The following FOCAD variants were observed in gnomAD, a reference collection of about 807,000 sequenced individuals.
FOCAD encodes the protein KIAA1797.
FOCAD carries 198 observed loss-of-function variants against 225.6 expected under a neutral mutation model. That is an observed-to-expected ratio of 0.88 (90% CI 0.78 to 0.99). FOCAD has a LOEUF of 0.99. FOCAD is among the 50% of genes least tolerant of loss of function. The pLI, the probability that FOCAD is intolerant of heterozygous loss-of-function variation, is 0.00. For missense variants in FOCAD, 2,713 were observed against 2,123.6 expected (o/e 1.28, Z -5.46); for synonymous variants, 897 against 755.0 (o/e 1.19, Z -3.08).
intron 6 of FOCAD, among the ~76,000 whole-genome samples, chr9:20,758,996 A>G (rs1829321455): frequency 6.6e-6 from 1 of 152,152 alleles, no homozygotes; most frequent in African/African-American, 2.4e-5. Context: ...GAGCCAAATC[A>G]TGAGTGAACT....
rs1420513017 is a variant in FOCAD, at chr9:20,990,198, G to C, written c.5080G>C (p.Gly1694Arg). ...TGACCACACTGCCCCTCTCCTCCTC[G>C]GCCTCAGTGCCAGTTGGTTGCCATG... ...WADHTAPLLLGLSASWLPWHQ... is the reference protein window; with the variant it reads ...WADHTAPLLLRLSASWLPWHQ... Residue 1694 changes from glycine to arginine, a missense_variant, in exon 42 of 44, where the codon GGC becomes CGC. By Grantham distance (125) the Gly-to-Arg change is moderately radical (BLOSUM62 -2). Transcript: ENST00000338382. The C allele has an allele frequency of 1.2e-6, 2 of 1,614,116 alleles. No homozygotes were observed. Among genetic ancestry groups the C allele is most frequent in the Admixed American group, 1.7e-5 (1 of 60,022 alleles).
intron 11 of FOCAD, among the ~76,000 whole-genome samples, chr9:20,794,414 C>G (rs1820849094): frequency 6.6e-6 from 1 of 152,014 alleles, no homozygotes; most frequent in Non-Finnish European, 1.5e-5. Context: ...TAATATAGAG[C>G]AAAAAGATGA....
At chr9:20,770,333 C>A (rs1045862390) in intron 8 of FOCAD, 95 bp downstream of exon 8, 1 of 1,148,176 alleles carries the variant, frequency 8.7e-7, no homozygotes, top group Non-Finnish European at 1.2e-6. Context: ...AATTGGCTTA[C>A]AGTCTGGCAG....
Position 20,764,922 on chromosome 9 carries a change from G to T in FOCAD, c.548G>T (p.Cys183Phe). 1 of 1,614,084 alleles carries T rather than the reference G, an allele frequency of 6.2e-7. No homozygotes were observed. The highest frequency in any genetic ancestry group is 8.5e-7 in the Non-Finnish European group (1 of 1,180,002). ...GCACCATTTCTGTGGTATCTGTATT[G>T]TGAACCATCTCAGTTACAAGAATAT... Reference protein sequence around the residue: ...IMAPFLWYLYCEPSQLQEYAK... With the variant: ...IMAPFLWYLYFEPSQLQEYAK... Residue 183 changes from cysteine (C) to phenylalanine (F), a missense_variant, in exon 7 of 44, where the codon TGT becomes TTT. By Grantham distance (205) the Cys-to-Phe change is radical. Transcript: ENST00000338382.
intron 5 of FOCAD, 73 bp downstream of exon 5, chr9:20,740,413 T>A: frequency 4.7e-6 from 4 of 858,246 alleles, no homozygotes; most frequent in Middle Eastern, 3.4e-4. Context: ...GACATGATAA[T>A]CCAGTAAGAA....
intron 24 of FOCAD, among the ~76,000 whole-genome samples, chr9:20,919,764 G>C (rs941472865): frequency 1.3e-5 from 2 of 151,938 alleles, no homozygotes; most frequent in Non-Finnish European, 2.9e-5. Flanking sequence ...GCCATATGTA[G>C]AAAGCTGAAA....
chr9:20,690,668 C>T (rs753158574), intron 1 of FOCAD, among the ~76,000 whole-genome samples: 1 of 152,092 alleles, frequency 6.6e-6, no homozygotes, highest in Non-Finnish European at 1.5e-5. Context: ...TCTGCCTTGC[C>T]TCCTGAGTAG....
intron 16 of FOCAD, 105 bp from the exon 17 acceptor site, chr9:20,865,818 GTGT>G: frequency 1.5e-6 from 1 of 671,808 alleles, no homozygotes; most frequent in Admixed American, 3.2e-5. Context: ...ATTTCTGGTG[GTGT>G]TACTTTAAAA....
chr9:20,720,453 G>A lies in FOCAD; in HGVS notation c.206G>A (p.Gly69Asp). 4 of 1,614,036 alleles carry A rather than the reference G, an allele frequency of 2.5e-6. No individual in the cohort carries two copies. Among genetic ancestry groups the A allele is most frequent in the Non-Finnish European group, 3.4e-6 (4 of 1,179,964 alleles). The change falls in exon 4 of 44, where the codon GGT becomes GAT. Residue 69 changes from glycine (G) to aspartate (D), a missense_variant. Physicochemically the swap from Gly to Asp is moderately conservative, Grantham distance 94 (BLOSUM62 -1). Transcript: ENST00000338382. ...GTGGTTCGAACAGCCTGCTGTGAAG[G>A]TCTGGTGGCACTCGTTGCTCAGGAT... ...NVVVRTACCE[G>D]LVALVAQDHA...
chr9:20,846,407 C>T (rs1425385526), intron 15 of FOCAD, among the ~76,000 whole-genome samples: 1 of 152,142 alleles, frequency 6.6e-6, no homozygotes, highest in East Asian at 1.9e-4. Flanking sequence ...TCCTCTTTCC[C>T]TCTCACTGGA....
At chr9:20,739,282 A>G (rs1431842822) in intron 4 of FOCAD, among the ~76,000 whole-genome samples, 5 of 152,240 alleles carry the variant, frequency 3.3e-5, no homozygotes, top group Admixed American at 6.5e-5. Flanking sequence ...GTAATGCTCA[A>G]TAAATGTTAA....
chr9:20,993,175 A>G, intron 42 of FOCAD, 78 bp from the exon 43 acceptor site: 1 of 1,212,286 alleles, frequency 8.2e-7, no homozygotes, highest in Non-Finnish European at 1.2e-6. Context: ...CCTCATATAT[A>G]TAGGTCCAAG....
intron 43 of FOCAD, among the ~76,000 whole-genome samples, chr9:20,994,489 C>A (rs1198783076): frequency 6.6e-6 from 1 of 152,138 alleles, no homozygotes; most frequent in Non-Finnish European, 1.5e-5. Context: ...AGTGTATGAT[C>A]CATATTTTAC....
At chr9:20,657,062 T>G (rs527267553), upstream of FOCAD, among the ~76,000 whole-genome samples, 5 of 152,330 alleles carry the variant, frequency 3.3e-5, no homozygotes, top group African/African-American at 1.2e-4. Context: ...GATATGAAAT[T>G]CTGGGTTGAA....
At chr9:20,766,022 C>T (rs139993470) in intron 7 of FOCAD, among the ~76,000 whole-genome samples, 2 of 152,154 alleles carry the variant, frequency 1.3e-5, no homozygotes, top group African/African-American at 2.4e-5. Context: ...AATGAATTCT[C>T]CTGTGGCTTT....
At chr9:20,784,571 C>G (rs1819723195) in intron 10 of FOCAD, among the ~76,000 whole-genome samples, 1 of 152,086 alleles carries the variant, frequency 6.6e-6, no homozygotes, top group African/African-American at 2.4e-5. Context: ...TACAGGAGGG[C>G]AAAATTCATC....
intron 8 of FOCAD, among the ~76,000 whole-genome samples, chr9:20,778,143 G>A (rs1350603621): frequency 1.3e-5 from 2 of 149,708 alleles, no homozygotes; most frequent in Admixed American, 6.6e-5. Flanking sequence ...TTGCTGATCT[G>A]CTGTGTTGAG....
chr9:20,862,551 T>C (rs1349825852), intron 15 of FOCAD, 27 bp from the exon 16 acceptor site: 2 of 1,609,936 alleles, frequency 1.2e-6, no homozygotes, highest in Admixed American at 1.7e-5. Flanking sequence ...TCTTGTTAGG[T>C]GTTGACCTTT....
intron 10 of FOCAD, among the ~76,000 whole-genome samples, chr9:20,787,864 T>C (rs1321241768): frequency 6.6e-6 from 1 of 152,238 alleles, no homozygotes; most frequent in Non-Finnish European, 1.5e-5. Flanking sequence ...CTGTATCTTA[T>C]ATTTTCACTT....
Sources: gnomAD v4.1 joint callset for allele counts (sites outside exome capture counted in the v4.1 genomes callset) on GRCh38, gnomAD v4.1.1 for gene constraint, MANE v1.5 for transcripts, NCBI Gene and HGNC (gene_info 2026-07-23, HGNC 2026-07-21) for gene names.